Variants in SAMD12 observed in about 807,000 individuals in gnomAD.
SAMD12 encodes the protein sterile alpha motif domain-containing protein 12.
Under a neutral mutation model 15.0 loss-of-function variants are expected in SAMD12, and 9 were observed. The ratio of observed to expected loss-of-function variants is 0.60; its 90% CI spans 0.36 to 1.05. The LOEUF is 1.05. Ranked by LOEUF, SAMD12 falls within the 50% of genes least tolerant of loss-of-function variation. SAMD12 has a pLI of 0.01. For missense variants in SAMD12, 230 were observed against 234.2 expected (o/e 0.98, Z 0.12); for synonymous variants, 86 against 90.1 (o/e 0.96, Z 0.25).
In SAMD12 at chr8:118,568,527, C is replaced by T. The variant is rs187731548; in HGVS notation, c.192+12188G>A. Among the ~76,000 whole-genome samples, 166 of 152,198 alleles carry T rather than the reference C, an allele frequency of 1.1e-3. 2 individuals carry two copies. The highest frequency in any genetic ancestry group is 5.9e-5 in the Non-Finnish European group (4 of 68,006). On this transcript the variant is annotated intron_variant, in intron 2 of 3. Transcript: ENST00000314727. Reference sequence around the variant, plus strand: ...TCATTCTGGTTGCTGAATTGAGGGTCATGTTTTATAATGAATATTGTGAAA... The same window carrying T: ...TCATTCTGGTTGCTGAATTGAGGGTTATGTTTTATAATGAATATTGTGAAA...
At chr8:118,409,349 T>A (rs1000541342) in intron 3 of SAMD12, among the ~76,000 whole-genome samples, 6 of 152,030 alleles carry the variant, frequency 3.9e-5, no homozygotes, top group Non-Finnish European at 8.8e-5. Flanking sequence ...TCATTGTTCA[T>A]TCAGCAAATA....
intron 4 of SAMD12, among the ~76,000 whole-genome samples, chr8:118,356,398 C>T (rs911357603): frequency 6.6e-6 from 1 of 152,150 alleles, no homozygotes; most frequent in African/African-American, 2.4e-5. Context: ...TCTTTCTTAG[C>T]ACAGCTTTTC....
chr8:118,286,760 T>C (rs1380690556), intron 4 of SAMD12, among the ~76,000 whole-genome samples: 2 of 152,164 alleles, frequency 1.3e-5, no homozygotes, highest in South Asian at 2.1e-4. Flanking sequence ...GTAGATTCCA[T>C]TGAGAATGGT....
chr8:118,593,030 C>T lies in SAMD12; in HGVS notation c.14-12137G>A, dbSNP rs114228039. ...ATTAGCAGGCAATTTTGTTTGCTTA[C>T]TCTGTCTATTCATAGTAACATTCAG... On this transcript the variant is annotated intron_variant, in intron 1 of 3. Coordinates refer to ENST00000314727, the MANE Select transcript of SAMD12 (RefSeq NM_207506.3). Among the ~76,000 whole-genome samples, 926 of 152,282 alleles carry T rather than the reference C, an allele frequency of 6.1e-3. 14 individuals are homozygous for T. Among genetic ancestry groups the T allele is most frequent in the African/African-American group, 0.021 (885 of 41,564 alleles).
intron 1 of SAMD12, among the ~76,000 whole-genome samples, chr8:118,607,653 AG>A (rs1327109793): frequency 6.6e-6 from 1 of 152,228 alleles, no homozygotes; most frequent in African/African-American, 2.4e-5. Flanking sequence ...ATTTGCAGAT[AG>A]GGATGATAAT....
intron 2 of SAMD12, among the ~76,000 whole-genome samples, chr8:118,471,438 A>T (rs577090402): frequency 6.6e-6 from 1 of 152,202 alleles, no homozygotes; most frequent in Non-Finnish European, 1.5e-5. Context: ...AAACAGTATT[A>T]AAGTAGTGGG....
intron 1 of SAMD12, chr8:118,621,419 C>A (rs1252964908): frequency 6.9e-6 from 2 of 289,262 alleles, no homozygotes; most frequent in Non-Finnish European, 1.3e-5. Context: ...GGGGGCCAAC[C>A]AAGCATCCCC....
intron 2 of SAMD12, among the ~76,000 whole-genome samples, chr8:118,525,914 A>G (rs1275538259): frequency 6.6e-6 from 1 of 152,196 alleles, no homozygotes; most frequent in Non-Finnish European, 1.5e-5. Flanking sequence ...CACATCTGTA[A>G]TGTCACCCAG....
chr8:118,381,870 GT>G lies in SAMD12; in HGVS notation c.323-2171del, dbSNP rs550370080. Among the ~76,000 whole-genome samples the G allele has an allele frequency of 5.6e-3, 853 of 152,162 alleles. 11 individuals are homozygous for G. The highest frequency in any genetic ancestry group is 0.019 in the African/African-American group (785 of 41,456). On this transcript the variant is annotated intron_variant, in intron 3 of 3. Coordinates refer to ENST00000314727, the MANE Select transcript of SAMD12 (RefSeq NM_207506.3). The stretch of plus-strand genomic sequence containing the variant: ...TTGGCCCTGTGACTGGAATTTACAT[GT>G]TTTCAAGAAGTCAAACAGATGGCTT...
At chr8:118,611,653 C>T (rs1828114466) in intron 1 of SAMD12, among the ~76,000 whole-genome samples, 1 of 152,212 alleles carries the variant, frequency 6.6e-6, no homozygotes. Flanking sequence ...ACTGCACAGG[C>T]ATATTCTCCA....
intron 4 of SAMD12, among the ~76,000 whole-genome samples, chr8:118,277,581 T>TAA (rs1373853636): frequency 1.2e-4 from 15 of 125,238 alleles, no homozygotes; most frequent in African/African-American, 2.0e-4. Context: ...GTCTCCTGAG[T>TAA]AAAAAAAAAA....
chr8:118,337,767 C>T (rs961367571), intron 4 of SAMD12, among the ~76,000 whole-genome samples: 4 of 152,136 alleles, frequency 2.6e-5, no homozygotes, highest in Admixed American at 2.6e-4. Flanking sequence ...TGATCCAAAG[C>T]TCAAGAGTAG....
chr8:118,538,740 T>C (rs932743068), intron 2 of SAMD12, among the ~76,000 whole-genome samples: 1 of 152,168 alleles, frequency 6.6e-6, no homozygotes, highest in Non-Finnish European at 1.5e-5. Flanking sequence ...TCACTTTACT[T>C]TTGGTTCCTA....
At chr8:118,465,958 A>G (rs758768722) in intron 2 of SAMD12, among the ~76,000 whole-genome samples, 1 of 152,058 alleles carries the variant, frequency 6.6e-6, no homozygotes, top group Non-Finnish European at 1.5e-5. Context: ...ATGGATCTTT[A>G]TTTTCTTTTT....
At chr8:118,545,285 G>A (rs72678158) in intron 2 of SAMD12, among the ~76,000 whole-genome samples, 7,864 of 152,224 alleles carry the variant, frequency 0.052, 290 homozygotes, top group Non-Finnish European at 0.083. Context: ...TGGCTAACAC[G>A]GTGAAATCTC....
At chr8:118,531,128 GT>G (rs1348803868) in intron 2 of SAMD12, among the ~76,000 whole-genome samples, 4 of 152,238 alleles carry the variant, frequency 2.6e-5, no homozygotes, top group Non-Finnish European at 5.9e-5. Flanking sequence ...AAGGGATCCA[GT>G]TTCAGCTTTC....
intron 1 of SAMD12, among the ~76,000 whole-genome samples, chr8:118,611,387 G>A (rs766194940): frequency 4.4e-4 from 67 of 152,276 alleles, no homozygotes; most frequent in East Asian, 1.5e-3. Flanking sequence ...CACAAAGCAC[G>A]GATACATACC....
At chr8:118,189,757 A>G (rs1420739429) in exon 5 of SAMD12, 1 of 152,106 alleles carries the variant, frequency 6.6e-6, no homozygotes, top group African/African-American at 2.4e-5. Context: ...AGATATGGAA[A>G]TCGGTGGTTC....
At chr8:118,565,717 C>A (rs887629744) in intron 2 of SAMD12, among the ~76,000 whole-genome samples, 1 of 152,190 alleles carries the variant, frequency 6.6e-6, no homozygotes, top group Non-Finnish European at 1.5e-5. Context: ...ATTCCCCCCA[C>A]CACACTGAGG....
Sources: gnomAD v4.1 joint callset for allele counts (sites outside exome capture counted in the v4.1 genomes callset) on GRCh38, gnomAD v4.1.1 for gene constraint, MANE v1.5 for transcripts, NCBI Gene and HGNC (gene_info 2026-07-23, HGNC 2026-07-21) for gene names.